Variants in PCNX2 observed in about 807,000 individuals in gnomAD.
The protein encoded by PCNX2 is pecanex 2, also known as pecanex-like protein 2.
A neutral mutation model predicts 223.8 loss-of-function variants in PCNX2; 168 were observed. That is an observed-to-expected ratio of 0.75 (90% CI 0.66 to 0.85). The LOEUF (loss-of-function observed/expected upper bound fraction) is 0.85, where lower values mean the gene tolerates loss of function less well. Among genes scored for constraint, PCNX2 ranks in the 40% least tolerant of loss-of-function variants. The pLI, the probability that PCNX2 is intolerant of heterozygous loss-of-function variation, is 0.00. For synonymous variants in PCNX2, 1,006 were observed against 1,052.6 expected, an observed-to-expected ratio of 0.96 and a Z score of 0.86; for missense variants, 2,507 against 2,675.5, an observed-to-expected ratio of 0.94 and a Z score of 1.39.
chr1:233,250,695 A>G, intron 8 of PCNX2, 44 bp downstream of exon 8: 1 of 1,548,554 alleles, frequency 6.5e-7, no homozygotes, highest in Non-Finnish European at 8.7e-7. Flanking sequence ...TGTGTCTCCC[A>G]GCAATGCAAC....
At chr1:233,005,067 C>A (rs1383976538) in intron 28 of PCNX2, among the ~76,000 whole-genome samples, 1 of 152,196 alleles carries the variant, frequency 6.6e-6, no homozygotes, top group African/African-American at 2.4e-5. Context: ...TGAATAATGA[C>A]CGCTACCTGC....
intron 22 of PCNX2, among the ~76,000 whole-genome samples, chr1:233,091,014 A>C (rs901392878): frequency 6.6e-6 from 1 of 152,142 alleles, no homozygotes; most frequent in Non-Finnish European, 1.5e-5. Context: ...CCATCACTGA[A>C]GACTCCTAGC....
chr1:233,196,188 T>C (rs1409472765), intron 15 of PCNX2, among the ~76,000 whole-genome samples: 2 of 152,100 alleles, frequency 1.3e-5, no homozygotes, highest in Non-Finnish European at 2.9e-5. Flanking sequence ...TCACCTCATG[T>C]CATACACAAA....
intron 17 of PCNX2, among the ~76,000 whole-genome samples, chr1:233,176,802 A>G (rs972578944): frequency 3.3e-5 from 5 of 152,204 alleles, no homozygotes; most frequent in African/African-American, 1.2e-4. Context: ...TCACGTGGTC[A>G]GGAGATCGAG....
chr1:233,274,111 A>G (rs1174105441), intron 1 of PCNX2, among the ~76,000 whole-genome samples: 1 of 152,226 alleles, frequency 6.6e-6, no homozygotes, highest in African/African-American at 2.4e-5. Context: ...CTCCCAATTT[A>G]GAACCAGTGT....
At chr1:233,148,060 G>A (rs1677569412) in intron 19 of PCNX2, among the ~76,000 whole-genome samples, 1 of 152,168 alleles carries the variant, frequency 6.6e-6, no homozygotes, top group African/African-American at 2.4e-5. Flanking sequence ...GTACTTCAAA[G>A]GAATGAAAGT....
intron 15 of PCNX2, among the ~76,000 whole-genome samples, chr1:233,182,589 C>CA (rs141085089): frequency 0.039 from 5,978 of 152,174 alleles, 201 homozygotes; most frequent in African/African-American, 0.089. Flanking sequence ...ACTCCACAGG[C>CA]GATGCATAAG....
rs191322489 is a variant in PCNX2 at position 233,208,249 on chromosome 1, G to A, written c.2863+269C>T. Among the ~76,000 whole-genome samples, 88 of 152,306 alleles carry A rather than the reference G, an allele frequency of 5.8e-4. No homozygotes were observed. In the East Asian group the frequency reaches 0.014, roughly 24 times the overall value. On this transcript the variant is annotated intron_variant, in intron 13 of 33. Transcript: ENST00000258229. The stretch of plus-strand genomic sequence containing the variant: ...GCTAGGATTACAGGTGTGAGCCACC[G>A]TGCCCAGCCCGGATGGGCATTATTA...
At chr1:233,223,314 G>A (rs1448242100) in intron 10 of PCNX2, among the ~76,000 whole-genome samples, 2 of 152,284 alleles carry the variant, frequency 1.3e-5, no homozygotes, top group East Asian at 3.9e-4. Flanking sequence ...GGTTGGGGGA[G>A]CCTGAATGGG....
chr1:233,014,548 T>C, intron 28 of PCNX2, 117 bp downstream of exon 28: 1 of 738,016 alleles, frequency 1.4e-6, no homozygotes, highest in South Asian at 1.8e-5. Flanking sequence ...AAAAGAACTA[T>C]CTGAAAGTAG....
chr1:233,250,682 C>T (rs1228376203), intron 8 of PCNX2, 57 bp downstream of exon 8: 46 of 1,516,850 alleles, frequency 3.0e-5, no homozygotes, highest in Middle Eastern at 1.7e-4. Context: ...TTATCTTCAT[C>T]GCTGTGTCTC....
At chr1:233,101,433 A>C (rs2102958735) in intron 21 of PCNX2, among the ~76,000 whole-genome samples, 1 of 152,300 alleles carries the variant, frequency 6.6e-6, no homozygotes, top group Non-Finnish European at 1.5e-5. Context: ...AAACATCTTC[A>C]GACAATGGTT....
Position 233,000,670 on chromosome 1 carries a change from C to A in PCNX2, c.5098-135G>T. The A allele has an allele frequency of 1.4e-6, 1 of 703,916 alleles. No individual in the cohort carries two copies. Among genetic ancestry groups the A allele is most frequent in the Non-Finnish European group, 2.4e-6 (1 of 422,644 alleles). The allele number at this position is 703,916 out of a possible 1,614,324, so 43.6% of individuals were successfully genotyped here. A position where few individuals can be genotyped will look rare whatever the true frequency, so the allele number is the denominator to read the frequency against. ...CATCTTCCTCTCTCCTGTTCTTTTT[C>A]CAAATCCTGAGCTCGGCACAGAGGA... On this transcript the variant is annotated intron_variant, in intron 29 of 33. Transcript: ENST00000258229. The surrounding 1 kb of genome is among the most constrained non-coding windows in gnomAD (Gnocchi z 4.6).
Position 232,999,161 on chromosome 1 carries a change from C to G in PCNX2, c.5547G>C (p.Trp1849Cys), listed in dbSNP as rs1669980359. The change falls in exon 31 of 34, where the codon TGG becomes TGC. Residue 1849 changes from tryptophan (W) to cysteine (C), a missense_variant. Transcript: ENST00000258229. ...LGTHRQLKNIWGGPITLDRIR... is the reference protein window; with the variant it reads ...LGTHRQLKNICGGPITLDRIR... ...TTCTGTCCAAAGTGATGGGTCCACCCCAGATGTTCTTCAGCTGCCTGTGTG... is the reference window on the plus strand; with the variant it reads ...TTCTGTCCAAAGTGATGGGTCCACCGCAGATGTTCTTCAGCTGCCTGTGTG... The G allele has an allele frequency of 1.2e-6, 2 of 1,613,800 alleles. No individual in the cohort carries two copies. Among genetic ancestry groups the G allele is most frequent in the African/African-American group, 1.3e-5 (1 of 74,930 alleles).
intron 19 of PCNX2, among the ~76,000 whole-genome samples, chr1:233,143,064 C>T (rs1677222644): frequency 6.6e-6 from 1 of 152,208 alleles, no homozygotes; most frequent in Non-Finnish European, 1.5e-5. Context: ...TCTCATCTTT[C>T]TCCTGGACTT....
chr1:233,072,675 C>G (rs867065354), intron 23 of PCNX2, among the ~76,000 whole-genome samples: 14 of 152,180 alleles, frequency 9.2e-5, no homozygotes, highest in Admixed American at 7.2e-4. Flanking sequence ...TTCTCCCATA[C>G]TATTAATATA....
At chr1:233,288,116 C>T (rs1036743187) in intron 1 of PCNX2, among the ~76,000 whole-genome samples, 6 of 152,120 alleles carry the variant, frequency 3.9e-5, no homozygotes, top group African/African-American at 9.6e-5. Flanking sequence ...TTAGAGAAGA[C>T]GATATAGCAA....
At chr1:233,014,537 GA>G in intron 28 of PCNX2, 127 bp downstream of exon 28, 1 of 690,810 alleles carries the variant, frequency 1.4e-6, no homozygotes, top group South Asian at 1.9e-5. Context: ...AATTTATTAT[GA>G]AAAGAACTAT....
Position 232,986,550 on chromosome 1 carries a change from A to G in PCNX2, c.5792-10T>C. 2.0e-6 allele frequency: 3 copies of G among 1,507,578 alleles called. No individual in the cohort carries two copies. The highest frequency in any genetic ancestry group is 2.7e-6 in the Non-Finnish European group (3 of 1,128,884). 93.4% of individuals were successfully genotyped at this position (1,507,578 alleles called of 1,614,324 possible). A position where few individuals can be genotyped will look rare whatever the true frequency, so the allele number is the denominator to read the frequency against. On this transcript the variant is annotated splice_polypyrimidine_tract_variant and intron_variant, in intron 32 of 33. Transcript: ENST00000258229. ...CTGCCTTTCCTCCTGCCTTTAAAAG[A>G]AAGCAGAACACAGAGTTGTAGCGGG... is the stretch of plus-strand genomic sequence containing the variant.
Sources: allele counts gnomAD v4.1 joint callset (sites outside exome capture counted in the v4.1 genomes callset), GRCh38; gene constraint gnomAD v4.1.1; non-coding constraint Gnocchi (gnomAD v3.1); transcripts MANE v1.5; gene names NCBI Gene and HGNC (gene_info 2026-07-23, HGNC 2026-07-21).